Variants in NYAP2 observed in about 807,000 individuals in gnomAD.
The protein encoded by NYAP2 is neuronal tyrosine-phosphorylated phosphoinositide-3-kinase adapter 2.
NYAP2 carries 23 observed loss-of-function variants against 50.4 expected under a neutral mutation model. That is an observed-to-expected ratio of 0.46 (90% CI 0.33 to 0.65). NYAP2 has a LOEUF of 0.65. Among genes scored for constraint, NYAP2 ranks in the 30% least tolerant of loss-of-function variants. The pLI is 0.02. For synonymous variants in NYAP2, 394 were observed against 365.2 expected, an observed-to-expected ratio of 1.08 and a Z score of -0.90; for missense variants, 885 against 861.0, an observed-to-expected ratio of 1.03 and a Z score of -0.35.
intron 3 of NYAP2, among the ~76,000 whole-genome samples, chr2:225,454,078 C>G (rs1264938142): frequency 6.6e-6 from 1 of 152,062 alleles, no homozygotes; most frequent in East Asian, 1.9e-4. Flanking sequence ...AATTCCAACA[C>G]TTTGGGAGGT....
At chr2:225,566,781 C>G (rs1452382015) in intron 4 of NYAP2, among the ~76,000 whole-genome samples, 1 of 152,144 alleles carries the variant, frequency 6.6e-6, no homozygotes, top group Non-Finnish European at 1.5e-5. Context: ...GCTCAGCAAT[C>G]CCTAAGTTTT....
chr2:225,442,503 T>C (rs148801916), intron 3 of NYAP2, among the ~76,000 whole-genome samples: 133 of 152,348 alleles, frequency 8.7e-4, no homozygotes, highest in African/African-American at 3.1e-3. Flanking sequence ...TAGTCCATTT[T>C]CATACTTCTA....
At chr2:225,411,798 C>G (rs1273340372) in intron 3 of NYAP2, among the ~76,000 whole-genome samples, 1 of 151,862 alleles carries the variant, frequency 6.6e-6, no homozygotes, top group Non-Finnish European at 1.5e-5. Context: ...ATGTTGAAGC[C>G]TGAGAACTGA....
At chr2:225,552,760 G>A (rs905661600) in intron 4 of NYAP2, among the ~76,000 whole-genome samples, 4 of 152,116 alleles carry the variant, frequency 2.6e-5, no homozygotes, top group South Asian at 2.1e-4. Flanking sequence ...GCGTGATCTC[G>A]GCTCACAGCA....
chr2:225,443,233 A>T (rs1297753001), intron 3 of NYAP2, among the ~76,000 whole-genome samples: 1 of 152,192 alleles, frequency 6.6e-6, no homozygotes, highest in African/African-American at 2.4e-5. Context: ...ACTCTGGGCA[A>T]ATTATTACTT....
chr2:225,541,408 G>A (rs529824847), intron 4 of NYAP2, among the ~76,000 whole-genome samples: 6 of 151,940 alleles, frequency 3.9e-5, no homozygotes, highest in Non-Finnish European at 8.8e-5. Context: ...TAATTTTAGC[G>A]GTTTCATGAT....
intron 4 of NYAP2, among the ~76,000 whole-genome samples, chr2:225,580,414 C>T (rs1159169412): frequency 1.3e-5 from 2 of 152,168 alleles, no homozygotes; most frequent in Admixed American, 1.3e-4. Context: ...TGTCTCTAGG[C>T]TTTTCACTTT....
intron 3 of NYAP2, among the ~76,000 whole-genome samples, chr2:225,490,157 G>A (rs1457786691): frequency 2.0e-5 from 3 of 152,146 alleles, no homozygotes; most frequent in Non-Finnish European, 4.4e-5. Flanking sequence ...TCCAGTTAGA[G>A]GAGCTTCAAT....
At chr2:225,440,019 T>C (rs1355902982) in intron 3 of NYAP2, among the ~76,000 whole-genome samples, 1 of 152,184 alleles carries the variant, frequency 6.6e-6, no homozygotes, top group South Asian at 2.1e-4. Flanking sequence ...TCAGATCTTG[T>C]GAGACTCACT....
chr2:225,558,145 A>G (rs1293472513), intron 4 of NYAP2, among the ~76,000 whole-genome samples: 2 of 152,144 alleles, frequency 1.3e-5, no homozygotes, highest in Non-Finnish European at 2.9e-5. Flanking sequence ...GGTGTTTTGC[A>G]TTATTAAGAA....
chr2:225,424,120 A>G (rs977994874), intron 3 of NYAP2, among the ~76,000 whole-genome samples: 28 of 152,166 alleles, frequency 1.8e-4, no homozygotes, highest in African/African-American at 6.8e-4. Flanking sequence ...ACTTTGGTGA[A>G]AAAGAGAGTC....
At chr2:225,538,333 G>T (rs539887847) in intron 4 of NYAP2, among the ~76,000 whole-genome samples, 5 of 152,178 alleles carry the variant, frequency 3.3e-5, no homozygotes, top group Non-Finnish European at 7.3e-5. Flanking sequence ...TCAAACTTCT[G>T]TCTGGATATC....
intron 4 of NYAP2, among the ~76,000 whole-genome samples, chr2:225,516,920 A>G (rs771909867): frequency 1.3e-5 from 2 of 152,146 alleles, no homozygotes; most frequent in African/African-American, 4.8e-5. Flanking sequence ...AAATCAAAAT[A>G]TTGATTCAGT....
chr2:225,546,814 C>T (rs1322888193), intron 4 of NYAP2, among the ~76,000 whole-genome samples: 2 of 152,152 alleles, frequency 1.3e-5, no homozygotes, highest in Non-Finnish European at 2.9e-5. Context: ...CTGAAGACAA[C>T]ATATCTCAAA....
At chr2:225,446,978 G>A (rs1393908924) in intron 3 of NYAP2, among the ~76,000 whole-genome samples, 2 of 152,178 alleles carry the variant, frequency 1.3e-5, no homozygotes, top group Admixed American at 1.3e-4. Context: ...TCACCGAGAA[G>A]CCAAGCTAAA....
the NYAP2 span, among the ~76,000 whole-genome samples, chr2:225,675,159 T>C: frequency 2.0e-5 from 3 of 152,114 alleles, no homozygotes; most frequent in Non-Finnish European, 4.4e-5. Context: ...ACTTTTATTA[T>C]AGTTTAAAGT....
At chr2:225,419,202 A>G (rs899896508) in intron 3 of NYAP2, among the ~76,000 whole-genome samples, 3 of 152,192 alleles carry the variant, frequency 2.0e-5, no homozygotes, top group African/African-American at 7.2e-5. Context: ...CCTGTAATAC[A>G]AGAAGGAAGA....
chr2:225,449,601 C>CTTTTTTTTTTT (rs201552006), intron 3 of NYAP2, among the ~76,000 whole-genome samples: 3 of 96,314 alleles, frequency 3.1e-5, no homozygotes, highest in African/African-American at 8.8e-5. Flanking sequence ...CTCTCTTTCT[C>CTTTTTTTTTTT]TTTTTTTTTT....
At chr2:225,503,116 C>A (rs1458221570) in intron 3 of NYAP2, among the ~76,000 whole-genome samples, 3 of 152,092 alleles carry the variant, frequency 2.0e-5, no homozygotes, top group Non-Finnish European at 4.4e-5. Flanking sequence ...AAAAAATGAG[C>A]CACATATGGT....
Sources: gnomAD v4.1 joint callset for allele counts (sites outside exome capture counted in the v4.1 genomes callset) on GRCh38, gnomAD v4.1.1 for gene constraint, MANE v1.5 for transcripts, NCBI Gene and HGNC (gene_info 2026-07-23, HGNC 2026-07-21) for gene names.